Variants in SDK1 observed in about 807,000 individuals in gnomAD.
The protein encoded by SDK1 is protein sidekick-1.
SDK1 carries 157 observed loss-of-function variants against 245.5 expected under a neutral mutation model. The ratio of observed to expected loss-of-function variants is 0.64; its 90% CI spans 0.56 to 0.73. SDK1 has a LOEUF of 0.73. Among genes scored for constraint, SDK1 ranks in the 30% least tolerant of loss-of-function variants. SDK1 has a pLI of 0.00. For synonymous variants in SDK1, 1,647 were observed against 1,278.5 expected (o/e 1.29, Z -6.15); for missense variants, 3,583 against 3,002.3 (o/e 1.19, Z -4.52).
intron 1 of SDK1, among the ~76,000 whole-genome samples, chr7:3,530,476 A>G (rs1783304767): frequency 2.0e-5 from 3 of 152,230 alleles, no homozygotes; most frequent in African/African-American, 7.2e-5. Flanking sequence ...CCTACAGAAA[A>G]CATCTACTGA....
intron 4 of SDK1, among the ~76,000 whole-genome samples, chr7:3,728,041 T>A (rs576238419): frequency 6.6e-6 from 1 of 152,328 alleles, no homozygotes; most frequent in Admixed American, 6.5e-5. Context: ...TAATATGTTC[T>A]TCAGTTGGAT....
chr7:3,729,881 ATG>A (rs1351471306), intron 4 of SDK1, among the ~76,000 whole-genome samples: 1 of 151,922 alleles, frequency 6.6e-6, no homozygotes, highest in Admixed American at 6.6e-5. Context: ...AACTGAGAAA[ATG>A]TGTGATGATG....
At chr7:3,685,830 T>C (rs1784265897) in intron 4 of SDK1, among the ~76,000 whole-genome samples, 1 of 151,866 alleles carries the variant, frequency 6.6e-6, no homozygotes, top group African/African-American at 2.4e-5. Context: ...ACTCAACCTA[T>C]AGGAAGATAA....
At chr7:3,315,779 G>A (rs1779650285) in intron 1 of SDK1, among the ~76,000 whole-genome samples, 1 of 152,168 alleles carries the variant, frequency 6.6e-6, no homozygotes, top group South Asian at 2.1e-4. Flanking sequence ...TGGTACTAAA[G>A]TTGTTTAGTG....
intron 4 of SDK1, among the ~76,000 whole-genome samples, chr7:3,670,340 C>CCAGCCA (rs1182583333): frequency 6.6e-6 from 1 of 152,186 alleles, no homozygotes; most frequent in Non-Finnish European, 1.5e-5. Context: ...CCTCTGACGT[C>CCAGCCA]CAGCCACAGC....
rs540479115 is a variant in SDK1 at position 3,988,244 on chromosome 7, A to G, written c.2131+922A>G. On this transcript the variant is annotated intron_variant, in intron 14 of 44. Coordinates refer to ENST00000404826, the MANE Select transcript of SDK1 (RefSeq NM_152744.4). ...GCCAGAACCCTAGGAATGGTCCCCA[A>G]TTCCTTTCCCTGGACCCCAGCCCCC... Among the ~76,000 whole-genome samples, 14 of 147,446 alleles carry G rather than the reference A, an allele frequency of 9.5e-5. No homozygotes were observed. The South Asian group carries it at 1.1e-3, about 11-fold the overall frequency.
chr7:3,602,462 C>T (rs2128639173), intron 1 of SDK1, among the ~76,000 whole-genome samples: 1 of 152,278 alleles, frequency 6.6e-6, no homozygotes, highest in East Asian at 1.9e-4. Context: ...CTTTTGGCTG[C>T]ATAAATGTCT....
chr7:3,699,518 A>C (rs1784679427), intron 4 of SDK1, among the ~76,000 whole-genome samples: 1 of 152,232 alleles, frequency 6.6e-6, no homozygotes, highest in South Asian at 2.1e-4. Flanking sequence ...TGTACTCAAC[A>C]GCAGAATGGA....
chr7:3,458,079 G>C (rs530033968), intron 1 of SDK1, among the ~76,000 whole-genome samples: 56 of 152,106 alleles, frequency 3.7e-4, no homozygotes, highest in Non-Finnish European at 7.1e-4. Flanking sequence ...TTTTTTGTGT[G>C]TGTGTGTTTT....
chr7:3,800,113 G>A (rs542020830), intron 4 of SDK1, among the ~76,000 whole-genome samples: 6 of 152,092 alleles, frequency 3.9e-5, no homozygotes, highest in Non-Finnish European at 7.3e-5. Context: ...CAACGTTTCT[G>A]TTGGGCAGGA....
chr7:3,756,581 A>C (rs751844505), intron 4 of SDK1, among the ~76,000 whole-genome samples: 2 of 151,878 alleles, frequency 1.3e-5, no homozygotes, highest in Non-Finnish European at 2.9e-5. Flanking sequence ...AAAATGCTCA[A>C]CTTTATATTT....
At chr7:4,108,985 A>G (rs966392948) in intron 22 of SDK1, among the ~76,000 whole-genome samples, 6 of 152,216 alleles carry the variant, frequency 3.9e-5, no homozygotes, top group Non-Finnish European at 7.3e-5. Context: ...AGATTTGTCC[A>G]TGTGGTAGCA....
At chr7:3,888,390 G>A (rs1448471399) in intron 5 of SDK1, among the ~76,000 whole-genome samples, 1 of 152,196 alleles carries the variant, frequency 6.6e-6, no homozygotes. Flanking sequence ...AGCAAAGCAG[G>A]ACATGAACCG....
intron 1 of SDK1, among the ~76,000 whole-genome samples, chr7:3,410,333 TATGAAA>T (rs1779166175): frequency 6.6e-6 from 1 of 152,166 alleles, no homozygotes; most frequent in Non-Finnish European, 1.5e-5. Context: ...GTAAGGTGTT[TATGAAA>T]CACCTTATGA....
intron 27 of SDK1, 79 bp from the exon 28 acceptor site, chr7:4,132,246 C>A: frequency 8.7e-7 from 1 of 1,145,310 alleles, no homozygotes; most frequent in Non-Finnish European, 1.3e-6. Flanking sequence ...GCCAGCTGAC[C>A]CTCGGAATCC....
At chr7:3,484,428 A>G (rs1024485129) in intron 1 of SDK1, among the ~76,000 whole-genome samples, 2 of 152,168 alleles carry the variant, frequency 1.3e-5, no homozygotes, top group Non-Finnish European at 1.5e-5. Context: ...TTCGGTAAAC[A>G]TGAGGGTCCT....
chr7:4,171,623 G>C (rs1428445299), intron 32 of SDK1, among the ~76,000 whole-genome samples: 4 of 152,232 alleles, frequency 2.6e-5, no homozygotes, highest in African/African-American at 7.2e-5. Flanking sequence ...GGCTGGAGCA[G>C]AGCCGGCACC....
intron 1 of SDK1, among the ~76,000 whole-genome samples, chr7:3,363,615 G>A (rs1396851167): frequency 6.6e-6 from 1 of 152,140 alleles, no homozygotes; most frequent in Non-Finnish European, 1.5e-5. Context: ...GGTGTGGATG[G>A]TTTTGGGATG....
chr7:3,952,408 G>A (rs959864949), intron 7 of SDK1, among the ~76,000 whole-genome samples: 7 of 151,994 alleles, frequency 4.6e-5, no homozygotes, highest in East Asian at 1.9e-4. Flanking sequence ...GTGAAATCCC[G>A]CCCGTCTCTA....
Sources: gnomAD v4.1 joint callset for allele counts (sites outside exome capture counted in the v4.1 genomes callset) on GRCh38, gnomAD v4.1.1 for gene constraint, MANE v1.5 for transcripts, NCBI Gene and HGNC (gene_info 2026-07-23, HGNC 2026-07-21) for gene names.